Variants in ADGRA3 observed in about 807,000 individuals in gnomAD.
ADGRA3 encodes G-protein coupled receptor 125.
In ADGRA3, 56 loss-of-function variants were observed where a neutral mutation model predicts 119.8. That is an observed-to-expected ratio of 0.47 (90% CI 0.38 to 0.58). The LOEUF is 0.58. Among genes scored for constraint, ADGRA3 ranks in the 20% least tolerant of loss-of-function variants. ADGRA3 has a pLI of 0.00. For synonymous variants in ADGRA3, 607 were observed against 623.8 expected, an observed-to-expected ratio of 0.97 and a Z score of 0.40; for missense variants, 1,516 against 1,649.0, an observed-to-expected ratio of 0.92 and a Z score of 1.40.
intron 1 of ADGRA3, among the ~76,000 whole-genome samples, chr4:22,514,051 G>C (rs58212965): frequency 1.3e-5 from 2 of 151,896 alleles, no homozygotes; most frequent in Non-Finnish European, 1.5e-5. Flanking sequence ...TGAAATTGTG[G>C]ACACTTTTAG....
At chr4:22,493,081 C>G (rs61793373) in intron 1 of ADGRA3, among the ~76,000 whole-genome samples, 14,090 of 152,258 alleles carry the variant, frequency 0.093, 773 homozygotes, top group Middle Eastern at 0.15. Flanking sequence ...CCTCCCATCC[C>G]TGTCTCTCAA....
chr4:22,420,455 C>G (rs1715610759), intron 12 of ADGRA3: 1 of 181,002 alleles, frequency 5.5e-6, no homozygotes, highest in Non-Finnish European at 1.1e-5. Flanking sequence ...AACACCTGGT[C>G]TCAGGGTTGA....
At position 22,388,865 on chromosome 4, in the gene ADGRA3, G is replaced by T. The variant is rs200205370; in HGVS notation, c.2806C>A (p.Leu936Met). The T allele has an allele frequency of 1.9e-6, 3 of 1,614,050 alleles. No homozygotes were observed. The highest frequency in any genetic ancestry group is 2.5e-6 in the Non-Finnish European group (3 of 1,179,974). Reference sequence around the variant, plus strand: ...CTTTTCAACTGAATAAATATGCTCAGAAAGTACATGCAGTTTACAAAAGTG... The same window carrying T: ...CTTTTCAACTGAATAAATATGCTCATAAAGTACATGCAGTTTACAAAAGTG... The part of the protein sequence containing the change: ...FITFVNCMYF[L>M]SIFIQLKRHP... The change falls in exon 19 of 19, where the codon CTG (leucine) becomes ATG (methionine). Residue 936 changes from leucine (L) to methionine (M), a missense_variant. Leu to Met is a conservative substitution (Grantham distance 15). Transcript: ENST00000334304.
At chr4:22,414,679 C>A in intron 12 of ADGRA3, 1 of 663,586 alleles carries the variant, frequency 1.5e-6, no homozygotes, top group Admixed American at 2.5e-5. Context: ...AATACTAAGC[C>A]CAAATCCTAA....
intron 7 of ADGRA3, among the ~76,000 whole-genome samples, chr4:22,441,003 A>T (rs193070898): frequency 1.3e-5 from 2 of 152,326 alleles, no homozygotes; most frequent in Middle Eastern, 3.4e-3. Context: ...ATAAAATGAC[A>T]ATCATTTGAA....
At position 22,387,777 on chromosome 4, in the gene ADGRA3, C is replaced by T. The variant is rs936569551; in HGVS notation, c.3894G>A (p.Glu1298=). The T allele has an allele frequency of 3.7e-6, 6 of 1,614,070 alleles. No homozygotes were observed. The highest frequency in any genetic ancestry group is 5.1e-6 in the Non-Finnish European group (6 of 1,179,958). ...TGCTATCGGTACCGAGCAAGGGTCC[C>T]TCCTGCCCATTGCTTTTAATTGGTC... ...QNGPIKSNGQ[E]GPLLGTDSTG... The change falls in exon 19 of 19, where the codon GAG becomes GAA. Residue 1298 remains glutamate, a synonymous_variant. Coordinates refer to ENST00000334304, the MANE Select transcript of ADGRA3 (RefSeq NM_145290.4).
At chr4:22,400,305 T>A (rs1449749066) in intron 16 of ADGRA3, among the ~76,000 whole-genome samples, 2 of 152,054 alleles carry the variant, frequency 1.3e-5, no homozygotes, top group African/African-American at 4.8e-5. Flanking sequence ...TGTATGTCCA[T>A]CAACAACAAA....
At chr4:22,424,404 A>G in intron 10 of ADGRA3, 52 bp from the exon 11 acceptor site, 1 of 1,559,766 alleles carries the variant, frequency 6.4e-7, no homozygotes, top group Non-Finnish European at 8.7e-7. Flanking sequence ...ACCATAAACT[A>G]TTTCGTAGAA....
intron 1 of ADGRA3, among the ~76,000 whole-genome samples, chr4:22,488,920 T>C (rs772087239): frequency 3.3e-5 from 5 of 152,024 alleles, no homozygotes; most frequent in Admixed American, 6.5e-5. Flanking sequence ...AATGCCTCCA[T>C]AGAAAGTAGA....
Position 22,515,524 on chromosome 4 carries a change from TC to T in ADGRA3, c.257+3del. 1 of 1,590,784 alleles carries T rather than the reference TC, an allele frequency of 6.3e-7. No homozygotes were observed. The stretch of plus-strand genomic sequence containing the variant: ...GAGGACCCAGCGTCGCGGGAGATAC[TC>T]ACAGGGTGACCGTGCGGTTGGGCAG... On this transcript the variant is annotated splice_donor_region_variant and intron_variant, in intron 1 of 18. Coordinates refer to ENST00000334304, the MANE Select transcript of ADGRA3 (RefSeq NM_145290.4).
Position 22,413,329 on chromosome 4 carries a change from A to G in ADGRA3, c.2085T>C (p.His695=), listed in dbSNP as rs772182254. The change falls in exon 14 of 19, where the codon CAT becomes CAC. Residue 695 remains histidine, a synonymous_variant. Transcript: ENST00000334304. ...PVNVTLRRIA[H]GADAVAARWD... The stretch of plus-strand genomic sequence containing the variant: ...ACCGGGCTGCAACAGCATCTGCTCC[A>G]TGTGCAATTCGACGCAGTGTCACAT... The G allele has an allele frequency of 6.2e-7, 1 of 1,614,120 alleles. No homozygotes were observed. Among genetic ancestry groups the G allele is most frequent in the Non-Finnish European group, 8.5e-7 (1 of 1,179,976 alleles).
rs543806337 is a variant in ADGRA3 at position 22,509,918 on chromosome 4, G to A, written c.257+5610C>T. 2.7e-5 allele frequency among the ~76,000 whole-genome samples: 4 copies of A among 149,984 alleles called. No individual in the cohort carries two copies. In the South Asian group the frequency reaches 6.3e-4, roughly 24 times the overall value. On this transcript the variant is annotated intron_variant, in intron 1 of 18. Coordinates refer to ENST00000334304, the MANE Select transcript of ADGRA3 (RefSeq NM_145290.4). ...CCAGCTACTCGGGAGGCTGAGGCAG[G>A]AGAATGGCGTGAACCCGGGAGGCGG...
intron 4 of ADGRA3, among the ~76,000 whole-genome samples, chr4:22,448,481 AGGATG>A (rs1402103312): frequency 6.6e-6 from 1 of 152,220 alleles, no homozygotes; most frequent in Admixed American, 6.5e-5. Flanking sequence ...AACACAGCAG[AGGATG>A]GGATAGAAAT....
At chr4:22,442,901 A>C in intron 6 of ADGRA3, 38 bp from the exon 7 acceptor site, 2 of 1,448,116 alleles carry the variant, frequency 1.4e-6, no homozygotes, top group Non-Finnish European at 1.9e-6. Flanking sequence ...AAACAAATAT[A>C]ATTTCCAAAC....
intron 16 of ADGRA3, chr4:22,398,062 A>C: frequency 1.0e-6 from 1 of 985,216 alleles, no homozygotes; most frequent in Non-Finnish European, 1.2e-6. Context: ...GCTATCTTCT[A>C]CACATGGATG....
At chr4:22,420,783 G>T in intron 12 of ADGRA3, 103 bp downstream of exon 12, 1 of 1,138,216 alleles carries the variant, frequency 8.8e-7, no homozygotes, top group Non-Finnish European at 1.3e-6. Context: ...CTATCTTCCT[G>T]CAAAAAAAAA....
At chr4:22,473,494 T>C (rs1195158827) in intron 2 of ADGRA3, among the ~76,000 whole-genome samples, 2 of 152,224 alleles carry the variant, frequency 1.3e-5, no homozygotes, top group South Asian at 4.1e-4. Flanking sequence ...GCAATACTCA[T>C]TGGCTTATTA....
intron 1 of ADGRA3, among the ~76,000 whole-genome samples, chr4:22,508,072 TA>T (rs1719308273): frequency 6.6e-6 from 1 of 152,212 alleles, no homozygotes; most frequent in African/African-American, 2.4e-5. Flanking sequence ...AACAATTACG[TA>T]CCCACCCATA....
intron 9 of ADGRA3, among the ~76,000 whole-genome samples, 188 bp downstream of exon 9, chr4:22,436,252 G>C (rs911674562): frequency 6.6e-6 from 1 of 151,744 alleles, no homozygotes; most frequent in Non-Finnish European, 1.5e-5. Context: ...GCAAAGGAAG[G>C]ATTCTATAGA....
Sources: gnomAD v4.1 joint callset for allele counts (sites outside exome capture counted in the v4.1 genomes callset) on GRCh38, gnomAD v4.1.1 for gene constraint, MANE v1.5 for transcripts, NCBI Gene and HGNC (gene_info 2026-07-23, HGNC 2026-07-21) for gene names.